The following TMEM117 variants were observed in gnomAD, a reference collection of about 807,000 sequenced individuals.
TMEM117 encodes the protein transmembrane protein 117.
TMEM117 carries 27 observed loss-of-function variants against 52.4 expected under a neutral mutation model. The ratio of observed to expected loss-of-function variants is 0.51; its 90% CI spans 0.38 to 0.71. The LOEUF is 0.71. Ranked by LOEUF, TMEM117 falls within the 30% of genes least tolerant of loss-of-function variation. The probability of loss-of-function intolerance (pLI) is 0.00; values close to 1 mark genes in which losing one functional copy is unlikely to be tolerated. For missense variants in TMEM117, 556 were observed against 630.5 expected (o/e 0.88, Z 1.26); for synonymous variants, 215 against 206.3 (o/e 1.04, Z -0.36).
chr12:43,801,643 T>C, the TMEM117 span, among the ~76,000 whole-genome samples: 14 of 152,214 alleles, frequency 9.2e-5, no homozygotes, highest in Non-Finnish European at 1.3e-4. Flanking sequence ...TTTAATATTA[T>C]GTTCAATTAG....
chr12:44,071,414 T>C (rs748239842), intron 3 of TMEM117, among the ~76,000 whole-genome samples: 2 of 152,208 alleles, frequency 1.3e-5, no homozygotes, highest in Admixed American at 6.5e-5. Context: ...AGAAAGCCCC[T>C]AGGTTTAGGC....
chr12:44,119,076 G>A (rs1256584275), intron 3 of TMEM117, among the ~76,000 whole-genome samples: 1 of 152,168 alleles, frequency 6.6e-6, no homozygotes, highest in African/African-American at 2.4e-5. Context: ...AGTAGCTTGT[G>A]TGGAATTATT....
At chr12:44,001,678 T>C (rs558763894) in intron 3 of TMEM117, among the ~76,000 whole-genome samples, 30 of 151,920 alleles carry the variant, frequency 2.0e-4, no homozygotes, top group East Asian at 9.7e-4. Flanking sequence ...ATCTAGTATA[T>C]GTGAGCTGGA....
chr12:44,392,270 C>T (rs1041707674), downstream of TMEM117, among the ~76,000 whole-genome samples: 1 of 152,088 alleles, frequency 6.6e-6, no homozygotes, highest in African/African-American at 2.4e-5. Context: ...GAAGGTTAGG[C>T]AGATGGTGGA....
chr12:43,931,767 A>G lies in TMEM117; in HGVS notation c.278-12443A>G, dbSNP rs149267874. Among the ~76,000 whole-genome samples the G allele has an allele frequency of 7.0e-3, 1,062 of 152,320 alleles. 10 individuals carry two copies. The highest frequency in any genetic ancestry group is 0.023 in the African/African-American group (958 of 41,562). On this transcript the variant is annotated intron_variant, in intron 2 of 7. Transcript: ENST00000266534. ...ATCTGAATTCTGAGGATTTAAATAA[A>G]GCTTGTTTTTCTCTAGAGAGTATTC...
intron 2 of TMEM117, among the ~76,000 whole-genome samples, chr12:43,846,843 C>A (rs1215221767): frequency 6.6e-6 from 1 of 151,958 alleles, no homozygotes; most frequent in African/African-American, 2.4e-5. Flanking sequence ...AAATAAATAA[C>A]TATCCGTACA....
At chr12:44,214,226 G>A (rs1273051886) in intron 5 of TMEM117, among the ~76,000 whole-genome samples, 5 of 142,972 alleles carry the variant, frequency 3.5e-5, no homozygotes, top group Non-Finnish European at 6.0e-5. Context: ...GCTCACTGCA[G>A]CCTCTGCCTC....
At chr12:43,836,675 G>A (rs1943036345) in intron 1 of TMEM117, among the ~76,000 whole-genome samples, 1 of 152,144 alleles carries the variant, frequency 6.6e-6, no homozygotes, top group African/African-American at 2.4e-5. Context: ...GGGTGTTTGG[G>A]TGTTTGCTAA....
At chr12:44,300,012 TA>T (rs1950819339) in intron 6 of TMEM117, among the ~76,000 whole-genome samples, 1 of 152,072 alleles carries the variant, frequency 6.6e-6, no homozygotes, top group South Asian at 2.1e-4. Flanking sequence ...GCCTAGGCTT[TA>T]GGGGGAAAAA....
chr12:44,279,964 T>A (rs889767087), intron 5 of TMEM117, among the ~76,000 whole-genome samples: 2 of 152,236 alleles, frequency 1.3e-5, no homozygotes, highest in Non-Finnish European at 2.9e-5. Context: ...AGATTTTTAC[T>A]GGTTTTCTCT....
At chr12:44,155,437 G>C (rs770639518) in intron 4 of TMEM117, among the ~76,000 whole-genome samples, 1 of 152,066 alleles carries the variant, frequency 6.6e-6, no homozygotes, top group Non-Finnish European at 1.5e-5. Context: ...TTTGGCAAGT[G>C]GTCATGCTGT....
chr12:43,888,634 G>A (rs796105825), intron 2 of TMEM117, among the ~76,000 whole-genome samples: 43 of 141,836 alleles, frequency 3.0e-4, no homozygotes, highest in Middle Eastern at 3.8e-3. Flanking sequence ...TGCAAGCTCC[G>A]CCTCTCGGGT....
rs528508586 is a variant in TMEM117 at position 44,376,846 on chromosome 12, C to T, written c.898+122C>T. 8.3e-6 allele frequency: 9 copies of T among 1,086,788 alleles called. No homozygotes were observed. In the African/African-American group the frequency reaches 1.5e-4, roughly 18 times the overall value. 67.3% of individuals were successfully genotyped at this position (1,086,788 alleles called of 1,614,324 possible). On this transcript the variant is annotated intron_variant, in intron 7 of 7. Coordinates refer to ENST00000266534, the MANE Select transcript of TMEM117 (RefSeq NM_032256.3). ...TAAATACAATGTTATTTCTCATTCA[C>T]TTAACAGTGCAAGGTGGTTTTCAGA...
rs189727949 is a variant in TMEM117 at position 44,131,486 on chromosome 12, T to C, written c.411-12039T>C. On this transcript the variant is annotated intron_variant, in intron 3 of 7. Coordinates refer to ENST00000266534, the MANE Select transcript of TMEM117 (RefSeq NM_032256.3). The stretch of plus-strand genomic sequence containing the variant: ...GTTGTGGGGTGAGTTTTTCTCTATA[T>C]ATCCATTAGGCAGAGTTTGCTCATC... Among the ~76,000 whole-genome samples, 190 of 152,276 alleles carry C rather than the reference T, an allele frequency of 1.2e-3. 3 individuals are homozygous for C. Among genetic ancestry groups the C allele is most frequent in the South Asian group, 1.2e-3 (6 of 4,830 alleles).
At chr12:43,986,613 A>G (rs1428134549) in intron 3 of TMEM117, among the ~76,000 whole-genome samples, 1 of 152,182 alleles carries the variant, frequency 6.6e-6, no homozygotes, top group Non-Finnish European at 1.5e-5. Flanking sequence ...CCTAAATTTT[A>G]GAATCAATAT....
intron 3 of TMEM117, among the ~76,000 whole-genome samples, chr12:44,083,295 A>T (rs1947512320): frequency 6.6e-6 from 1 of 151,730 alleles, no homozygotes; most frequent in Non-Finnish European, 1.5e-5. Context: ...ATAATGACAA[A>T]CTGTTTTCAA....
intron 2 of TMEM117, among the ~76,000 whole-genome samples, chr12:43,914,093 G>C (rs976993561): frequency 6.6e-6 from 1 of 152,068 alleles, no homozygotes; most frequent in Non-Finnish European, 1.5e-5. Context: ...AGAAGTCTTT[G>C]GCTAAATTCA....
intron 3 of TMEM117, among the ~76,000 whole-genome samples, chr12:44,053,186 C>T (rs1477244552): frequency 6.6e-6 from 1 of 152,158 alleles, no homozygotes; most frequent in Non-Finnish European, 1.5e-5. Context: ...CATCCTAGGT[C>T]CCCATGCTAC....
chr12:44,064,876 G>A (rs3929354), intron 3 of TMEM117, among the ~76,000 whole-genome samples: 24,064 of 152,100 alleles, frequency 0.16, 2,844 homozygotes, highest in African/African-American at 0.33. Context: ...ATAATTGCTA[G>A]GAGTAGATTT....
Sources: gnomAD v4.1 joint callset for allele counts (sites outside exome capture counted in the v4.1 genomes callset) on GRCh38, gnomAD v4.1.1 for gene constraint, MANE v1.5 for transcripts, NCBI Gene and HGNC (gene_info 2026-07-23, HGNC 2026-07-21) for gene names.